RAPGEF4: variants seen among roughly 807,000 people sequenced by gnomAD.
RAPGEF4 encodes Rap guanine nucleotide exchange factor 4, also known as RAP guanine-nucleotide-exchange factor (GEF) 4.
Under a neutral mutation model 147.9 loss-of-function variants are expected in RAPGEF4, and 66 were observed. The observed-to-expected ratio is 0.45, with a 90% CI of 0.37 to 0.55. The LOEUF (loss-of-function observed/expected upper bound fraction) is 0.55, where lower values mean the gene tolerates loss of function less well. Ranked by LOEUF, RAPGEF4 falls within the 20% of genes least tolerant of loss-of-function variation. RAPGEF4 has a pLI of 0.00. For synonymous variants in RAPGEF4, 419 were observed against 442.7 expected (o/e 0.95, Z 0.67); for missense variants, 1,071 against 1,257.3 (o/e 0.85, Z 2.24).
At chr2:172,810,240 T>C (rs1260583506) in intron 3 of RAPGEF4, among the ~76,000 whole-genome samples, 4 of 152,240 alleles carry the variant, frequency 2.6e-5, no homozygotes, top group Non-Finnish European at 4.4e-5. Context: ...TTGCTCAACC[T>C]ATAAAATAGC....
At chr2:173,009,226 G>A (rs1243833558) in intron 17 of RAPGEF4, among the ~76,000 whole-genome samples, 2 of 152,098 alleles carry the variant, frequency 1.3e-5, no homozygotes, top group African/African-American at 2.4e-5. Context: ...ATGGGATTCC[G>A]GGTAACTTAA....
chr2:172,938,224 C>T (rs1273170009), intron 6 of RAPGEF4, among the ~76,000 whole-genome samples: 1 of 151,684 alleles, frequency 6.6e-6, no homozygotes, highest in Non-Finnish European at 1.5e-5. Context: ...TACACACACA[C>T]ACACACACAC....
intron 6 of RAPGEF4, among the ~76,000 whole-genome samples, chr2:172,938,959 G>A (rs1234580619): frequency 6.6e-6 from 1 of 152,166 alleles, no homozygotes; most frequent in Non-Finnish European, 1.5e-5. Context: ...TTAGCAATAT[G>A]CACTTAAGAT....
At chr2:173,011,567 C>A (rs927297921) in intron 17 of RAPGEF4, among the ~76,000 whole-genome samples, 1 of 152,052 alleles carries the variant, frequency 6.6e-6, no homozygotes, top group South Asian at 2.1e-4. Context: ...TCTCTCCCCC[C>A]ACTCCTCCTT....
chr2:173,036,166 T>C lies in RAPGEF4; in HGVS notation c.2742T>C (p.Ala914=), dbSNP rs1408251770. Residue 914 remains alanine, a synonymous_variant, in exon 28 of 31, where the codon GCT becomes GCC. Transcript: ENST00000397081. ...RNHRAYRLTV[A]KLEPPLIPFM... The stretch of plus-strand genomic sequence containing the variant: ...ACAGGGCCTACAGGCTGACAGTAGC[T>C]AAGCTGGAACCTCCTCTCATCCCCT... The C allele has an allele frequency of 6.2e-7, 1 of 1,613,202 alleles. No individual in the cohort carries two copies. Among genetic ancestry groups the C allele is most frequent in the Admixed American group, 1.7e-5 (1 of 60,030 alleles).
intron 1 of RAPGEF4, among the ~76,000 whole-genome samples, chr2:172,753,811 A>G (rs900313105): frequency 1.3e-5 from 2 of 151,982 alleles, no homozygotes; most frequent in African/African-American, 2.4e-5. Context: ...CTACCAACAC[A>G]TCCCTTCCTC....
At chr2:172,881,025 C>A (rs1696558887) in intron 4 of RAPGEF4, among the ~76,000 whole-genome samples, 1 of 152,140 alleles carries the variant, frequency 6.6e-6, no homozygotes, top group East Asian at 1.9e-4. Flanking sequence ...TTTCCTGAAA[C>A]AATATAATGA....
At chr2:172,884,692 G>T (rs1449138305) in intron 4 of RAPGEF4, among the ~76,000 whole-genome samples, 1 of 152,158 alleles carries the variant, frequency 6.6e-6, no homozygotes, top group African/African-American at 2.4e-5. Flanking sequence ...GAGTTTTAAA[G>T]GTCTGTTCTG....
intron 4 of RAPGEF4, among the ~76,000 whole-genome samples, chr2:172,880,032 A>G (rs1223625695): frequency 6.6e-6 from 1 of 152,208 alleles, no homozygotes; most frequent in African/African-American, 2.4e-5. Flanking sequence ...GCATACCTGC[A>G]TAGCCTGCAA....
chr2:172,827,319 T>C (rs1689778307), intron 4 of RAPGEF4, among the ~76,000 whole-genome samples: 1 of 152,066 alleles, frequency 6.6e-6, no homozygotes, highest in Admixed American at 6.5e-5. Context: ...GTTTTCTGCT[T>C]GTTACTCTAT....
intron 4 of RAPGEF4, among the ~76,000 whole-genome samples, chr2:172,895,823 A>C (rs1030882385): frequency 9.9e-5 from 15 of 152,194 alleles, no homozygotes; most frequent in Non-Finnish European, 1.5e-4. Flanking sequence ...TTGCCCCTAA[A>C]CCATGCAGAA....
At chr2:172,988,087 T>C (rs1430671762) in intron 12 of RAPGEF4, 109 bp from the exon 13 acceptor site, 3 of 1,389,792 alleles carry the variant, frequency 2.2e-6, no homozygotes, top group Non-Finnish European at 2.8e-6. Flanking sequence ...TTTCTCGAAT[T>C]TTACGTATGC....
intron 4 of RAPGEF4, among the ~76,000 whole-genome samples, chr2:172,865,251 C>A (rs1454095897): frequency 6.6e-6 from 1 of 152,192 alleles, no homozygotes; most frequent in South Asian, 2.1e-4. Flanking sequence ...AAGATTTCTA[C>A]TCTCCTCAAA....
At chr2:173,029,701 T>C (rs1697005349) in intron 25 of RAPGEF4, among the ~76,000 whole-genome samples, 2 of 152,206 alleles carry the variant, frequency 1.3e-5, no homozygotes, top group South Asian at 4.1e-4. Context: ...CAAGTAGCAT[T>C]TGCATGGCAG....
chr2:172,930,398 A>C (rs1456056911), intron 6 of RAPGEF4, among the ~76,000 whole-genome samples: 1 of 152,094 alleles, frequency 6.6e-6, no homozygotes, highest in African/African-American at 2.4e-5. Context: ...TCTCAAAATC[A>C]TGCCTTCTTT....
Position 172,868,399 on chromosome 2 carries a change from A to G in RAPGEF4, c.445-49403A>G, listed in dbSNP as rs1265424142. On this transcript the variant is annotated intron_variant, in intron 4 of 30. Coordinates refer to ENST00000397081, the MANE Select transcript of RAPGEF4 (RefSeq NM_007023.4). ...ATTTCATTTTGTAGAATTAGAGCAGACTGCATAACATGCTCTTATATAGCA... is the reference window on the plus strand; with the variant it reads ...ATTTCATTTTGTAGAATTAGAGCAGGCTGCATAACATGCTCTTATATAGCA... 3.9e-5 allele frequency among the ~76,000 whole-genome samples: 6 copies of G among 152,330 alleles called. No homozygotes were observed. In the East Asian group the frequency reaches 1.2e-3, roughly 29 times the overall value.
intron 24 of RAPGEF4, 131 bp downstream of exon 24, chr2:173,026,828 T>G: frequency 7.8e-7 from 1 of 1,278,404 alleles, no homozygotes; most frequent in Non-Finnish European, 1.1e-6. Flanking sequence ...CATACTGAGC[T>G]TATAAATAAA....
At chr2:172,915,099 T>C (rs548777365) in intron 4 of RAPGEF4, among the ~76,000 whole-genome samples, 1 of 152,364 alleles carries the variant, frequency 6.6e-6, no homozygotes, top group East Asian at 1.9e-4. Flanking sequence ...TGAATGTTTA[T>C]TAAAAAGTGC....
At chr2:172,860,346 T>C (rs778333744) in intron 4 of RAPGEF4, 134 of 983,330 alleles carry the variant, frequency 1.4e-4, no homozygotes, top group Non-Finnish European at 1.5e-4. Context: ...TGTGTTCACA[T>C]ATACAGGGAG....
Sources: allele counts gnomAD v4.1 joint callset (sites outside exome capture counted in the v4.1 genomes callset), GRCh38; gene constraint gnomAD v4.1.1; transcripts MANE v1.5; gene names NCBI Gene and HGNC (gene_info 2026-07-23, HGNC 2026-07-21).